NR1H4: variants seen among roughly 807,000 people sequenced by gnomAD.
The protein encoded by NR1H4 is bile acid receptor.
In NR1H4, 23 loss-of-function variants were observed where a neutral mutation model predicts 58.5. That is an observed-to-expected ratio of 0.39 (90% CI 0.28 to 0.56). The LOEUF (loss-of-function observed/expected upper bound fraction) is 0.56. Ranked by LOEUF, NR1H4 falls within the 20% of genes least tolerant of loss-of-function variation. The pLI is 0.58. For synonymous variants in NR1H4, 214 were observed against 198.0 expected (o/e 1.08, Z -0.68); for missense variants, 487 against 576.9 (o/e 0.84, Z 1.60).
chr12:100,480,483 G>T (rs1953355323), intron 1 of NR1H4, among the ~76,000 whole-genome samples: 1 of 152,146 alleles, frequency 6.6e-6, no homozygotes, highest in Non-Finnish European at 1.5e-5. Context: ...TACCACAGGA[G>T]ACAGTGTTAC....
chr12:100,546,110 A>G (rs1955063898), intron 9 of NR1H4, among the ~76,000 whole-genome samples: 1 of 152,058 alleles, frequency 6.6e-6, no homozygotes, highest in Admixed American at 6.6e-5. Context: ...TGTCCTCAGC[A>G]CTCACAGGGC....
At chr12:100,504,635 T>C (rs17030245) in intron 3 of NR1H4, among the ~76,000 whole-genome samples, 2,658 of 152,298 alleles carry the variant, frequency 0.017, 60 homozygotes, top group African/African-American at 0.054. Context: ...CCATTCTTTG[T>C]CTTAGTTCAT....
chr12:100,501,003 A>G (rs943457704), intron 3 of NR1H4, among the ~76,000 whole-genome samples: 1 of 152,154 alleles, frequency 6.6e-6, no homozygotes, highest in Non-Finnish European at 1.5e-5. Context: ...GGAAAAAATA[A>G]TATGAGACAG....
chr12:100,561,839 T>C (rs780432909), intron 9 of NR1H4, 46 bp from the exon 10 acceptor site: 1 of 824,832 alleles, frequency 1.2e-6, no homozygotes, highest in South Asian at 1.3e-5. Context: ...TTTTACACTG[T>C]TTAGTCACTC....
intron 3 of NR1H4, among the ~76,000 whole-genome samples, chr12:100,504,248 A>AT (rs887529352): frequency 6.6e-6 from 1 of 152,202 alleles, no homozygotes; most frequent in African/African-American, 2.4e-5. Context: ...ATATTTTAAT[A>AT]TTTTTTAAAA....
intron 1 of NR1H4, among the ~76,000 whole-genome samples, chr12:100,484,075 C>T (rs764620567): frequency 6.6e-6 from 1 of 150,662 alleles, no homozygotes; most frequent in Non-Finnish European, 1.5e-5. Context: ...GGTTAGAAAA[C>T]CTTCATGTTT....
intron 4 of NR1H4, 129 bp downstream of exon 4, chr12:100,511,272 C>T (rs909423060): frequency 1.9e-6 from 2 of 1,067,204 alleles, no homozygotes; most frequent in African/African-American, 1.6e-5. Context: ...CTACCTCCTC[C>T]TACATCCTCA....
chr12:100,564,090 T>A lies in NR1H4; in HGVS notation c.*601T>A, dbSNP rs1955529731. The A allele has an allele frequency of 6.6e-6, 1 of 152,568 alleles. No homozygotes were observed. Among genetic ancestry groups the A allele is most frequent in the South Asian group, 2.1e-4 (1 of 4,846 alleles). 9.5% of individuals were successfully genotyped at this position (152,568 alleles called of 1,614,324 possible). On this transcript the variant is annotated 3_prime_UTR_variant, in exon 11 of 11. Transcript: ENST00000392986. The stretch of plus-strand genomic sequence containing the variant: ...GAATAGCAAACAGAAAAGTTAACAA[T>A]TTTCACATAAAATATTCCCTCAAGC...
intron 4 of NR1H4, among the ~76,000 whole-genome samples, chr12:100,524,555 C>G (rs907645986): frequency 1.3e-5 from 2 of 152,148 alleles, no homozygotes; most frequent in African/African-American, 4.8e-5. Flanking sequence ...CAGCAGAAAC[C>G]CAGTAGGTCT....
intron 4 of NR1H4, among the ~76,000 whole-genome samples, chr12:100,524,338 C>T (rs1421947581): frequency 6.6e-6 from 1 of 152,174 alleles, no homozygotes; most frequent in Non-Finnish European, 1.5e-5. Context: ...GCATCAGGCA[C>T]CTCCCAGTGC....
At chr12:100,540,627 A>G in intron 8 of NR1H4, 45 bp from the exon 9 acceptor site, 1 of 1,594,204 alleles carries the variant, frequency 6.3e-7, no homozygotes, top group Non-Finnish European at 8.6e-7. Context: ...TGATCATGAA[A>G]TATTGTTACT....
intron 4 of NR1H4, among the ~76,000 whole-genome samples, chr12:100,520,451 C>T (rs980887113): frequency 2.6e-5 from 4 of 152,080 alleles, no homozygotes; most frequent in African/African-American, 4.8e-5. Flanking sequence ...ACTGGCCCGC[C>T]GGTTGCTTTT....
At position 100,534,871 on chromosome 12, in the gene NR1H4, C is replaced by T; in HGVS notation, c.599-19C>T. On this transcript the variant is annotated intron_variant, in intron 5 of 10. Transcript: ENST00000392986. The stretch of plus-strand genomic sequence containing the variant: ...GTACTTTCTGTGATTGGTGAAGTCT[C>T]TATGCTTATTTGTTTTAGGCTTGTT... The T allele has an allele frequency of 6.2e-7, 1 of 1,614,044 alleles. No individual in the cohort carries two copies. Among genetic ancestry groups the T allele is most frequent in the Non-Finnish European group, 8.5e-7 (1 of 1,179,956 alleles).
chr12:100,507,413 G>A (rs1046792033), intron 3 of NR1H4, among the ~76,000 whole-genome samples: 9 of 151,698 alleles, frequency 5.9e-5, no homozygotes, highest in African/African-American at 2.4e-5. Flanking sequence ...AAAATATTTT[G>A]TCCATCAGAC....
chr12:100,524,383 A>G (rs1954503583), intron 4 of NR1H4, among the ~76,000 whole-genome samples: 1 of 152,152 alleles, frequency 6.6e-6, no homozygotes, highest in East Asian at 1.9e-4. Flanking sequence ...GAACACCCCT[A>G]GGAACCTCAG....
chr12:100,537,988 G>A (rs1270534564), intron 8 of NR1H4, among the ~76,000 whole-genome samples: 1 of 152,156 alleles, frequency 6.6e-6, no homozygotes, highest in Non-Finnish European at 1.5e-5. Flanking sequence ...GGGATTACAG[G>A]CGCAAGCCAC....
chr12:100,527,479 G>C (rs751974677), intron 4 of NR1H4, among the ~76,000 whole-genome samples: 172 of 152,320 alleles, frequency 1.1e-3, no homozygotes, highest in Non-Finnish European at 2.1e-3. Flanking sequence ...GTTGCAGTGA[G>C]CTATGATTGC....
At chr12:100,504,831 G>T (rs374219472) in intron 3 of NR1H4, among the ~76,000 whole-genome samples, 1 of 152,204 alleles carries the variant, frequency 6.6e-6, no homozygotes, top group Non-Finnish European at 1.5e-5. Flanking sequence ...CAAGTTCAGC[G>T]TGGAAGATAA....
intron 9 of NR1H4, among the ~76,000 whole-genome samples, chr12:100,559,510 G>A (rs937094215): frequency 6.6e-6 from 1 of 152,184 alleles, no homozygotes; most frequent in Non-Finnish European, 1.5e-5. Flanking sequence ...GGGTAATAAG[G>A]GACTTAGCAC....
Sources: gnomAD v4.1 joint callset for allele counts (sites outside exome capture counted in the v4.1 genomes callset) on GRCh38, gnomAD v4.1.1 for gene constraint, MANE v1.5 for transcripts, NCBI Gene and HGNC (gene_info 2026-07-23, HGNC 2026-07-21) for gene names.